Variants in ANKRD28 observed in about 807,000 individuals in gnomAD.
ANKRD28 encodes the protein serine/threonine-protein phosphatase 6 regulatory ankyrin repeat subunit A.
In ANKRD28, 44 loss-of-function variants were observed where a neutral mutation model predicts 126.5. The observed-to-expected ratio is 0.35, with a 90% CI of 0.27 to 0.45. The LOEUF (loss-of-function observed/expected upper bound fraction) is 0.45. ANKRD28 is among the 20% of genes least tolerant of loss of function. The pLI, the probability that ANKRD28 is intolerant of heterozygous loss-of-function variation, is 1.00. For synonymous variants in ANKRD28, 442 were observed against 468.5 expected (o/e 0.94, Z 0.73); for missense variants, 1,110 against 1,316.6 (o/e 0.84, Z 2.43).
At chr3:15,799,486 T>C (rs923940705), upstream of ANKRD28, among the ~76,000 whole-genome samples, 4 of 152,046 alleles carry the variant, frequency 2.6e-5, no homozygotes, top group African/African-American at 9.7e-5. Flanking sequence ...TTTTAAAATA[T>C]ATAAAATACT....
chr3:15,686,106 G>T lies in ANKRD28; in HGVS notation c.2065C>A (p.Leu689Ile). 2 of 1,613,008 alleles carry T rather than the reference G, an allele frequency of 1.2e-6. No homozygotes were observed. The highest frequency in any genetic ancestry group is 1.7e-6 in the Non-Finnish European group (2 of 1,179,474). The change falls in exon 20 of 28, where the codon CTA becomes ATA. Residue 689 changes from leucine (L) to isoleucine (I), a missense_variant. Leu to Ile is a conservative substitution (Grantham distance 5). Coordinates refer to ENST00000683139, the MANE Select transcript of ANKRD28 (RefSeq NM_001349278.2). ...QDGNGQTPLMLSVLNGHTDCV... is the reference protein window; with the variant it reads ...QDGNGQTPLMISVLNGHTDCV... ...TCTGTGTGCCCGTTGAGAACAGATAGCATCAGAGGCGTCCTGAGCAACAAC... is the reference window on the plus strand; with the variant it reads ...TCTGTGTGCCCGTTGAGAACAGATATCATCAGAGGCGTCCTGAGCAACAAC...
intron 18 of ANKRD28, among the ~76,000 whole-genome samples, chr3:15,688,200 A>C (rs913023767): frequency 1.3e-5 from 2 of 152,246 alleles, no homozygotes; most frequent in Non-Finnish European, 2.9e-5. Context: ...TTAGTTCTGC[A>C]TATGATCTGC....
Position 15,735,799 on chromosome 3 carries a change from A to T in ANKRD28, c.553-302T>A, listed in dbSNP as rs188705879. On this transcript the variant is annotated intron_variant, in intron 5 of 27. Coordinates refer to ENST00000683139, the MANE Select transcript of ANKRD28 (RefSeq NM_001349278.2). The stretch of plus-strand genomic sequence containing the variant: ...GTCTAAGACTGAAATATTTAATAAG[A>T]GGTTTTGTTCCTATTCATAGTCCAA... 9.5e-4 allele frequency among the ~76,000 whole-genome samples: 145 copies of T among 152,328 alleles called. 1 individual carries two copies. Among genetic ancestry groups the T allele is most frequent in the Non-Finnish European group, 2.8e-4 (19 of 68,034 alleles).
chr3:15,807,878 G>C (rs1461011523), intron 1 of ANKRD28, among the ~76,000 whole-genome samples: 1 of 152,144 alleles, frequency 6.6e-6, no homozygotes, highest in Non-Finnish European at 1.5e-5. Context: ...ACTTTTATCT[G>C]GCATTTTTCA....
chr3:15,729,276 C>T (rs1428492824), intron 6 of ANKRD28, among the ~76,000 whole-genome samples: 2 of 152,172 alleles, frequency 1.3e-5, no homozygotes, highest in African/African-American at 2.4e-5. Context: ...ATCCTTCCCA[C>T]CTCTGTGTCT....
intron 17 of ANKRD28, among the ~76,000 whole-genome samples, chr3:15,692,626 A>C (rs906512039): frequency 6.6e-6 from 1 of 152,240 alleles, no homozygotes; most frequent in Non-Finnish European, 1.5e-5. Context: ...CTTAAGCCTC[A>C]GATCAGTATG....
intron 1 of ANKRD28, among the ~76,000 whole-genome samples, chr3:15,844,792 T>G (rs557700501): frequency 1.3e-4 from 20 of 152,316 alleles, no homozygotes; most frequent in African/African-American, 4.8e-4. Flanking sequence ...ATTAACTGAA[T>G]GGGAATTTGT....
At chr3:15,773,935 GAAGT>G (rs1482745052) in intron 2 of ANKRD28, among the ~76,000 whole-genome samples, 1 of 152,172 alleles carries the variant, frequency 6.6e-6, no homozygotes, top group African/African-American at 2.4e-5. Context: ...CTATAAAAGT[GAAGT>G]AATCAAGGGA....
At chr3:15,670,629 A>AAAGTTG in intron 27 of ANKRD28, 73 bp from the exon 28 acceptor site, 2 of 1,416,766 alleles carry the variant, frequency 1.4e-6, no homozygotes, top group Non-Finnish European at 1.9e-6. Flanking sequence ...AAATAAGCCT[A>AAAGTTG]AAGTACTTCA....
intron 2 of ANKRD28, among the ~76,000 whole-genome samples, chr3:15,771,125 C>A (rs1197199669): frequency 2.0e-5 from 3 of 152,082 alleles, no homozygotes; most frequent in Non-Finnish European, 4.4e-5. Flanking sequence ...AAGCATGGCA[C>A]CAGGCAGGGC....
intron 27 of ANKRD28, among the ~76,000 whole-genome samples, chr3:15,671,984 A>G (rs563800507): frequency 5.3e-5 from 8 of 152,262 alleles, no homozygotes; most frequent in African/African-American, 1.9e-4. Context: ...AAATTTATCA[A>G]TGTTGTATGT....
At chr3:15,708,825 C>T (rs2071827901) in intron 13 of ANKRD28, among the ~76,000 whole-genome samples, 1 of 152,050 alleles carries the variant, frequency 6.6e-6, no homozygotes, top group Non-Finnish European at 1.5e-5. Flanking sequence ...ATTCTTTTTA[C>T]TTCTCTTCTG....
At chr3:15,697,590 AG>A (rs750376599) in intron 14 of ANKRD28, among the ~76,000 whole-genome samples, 3 of 152,172 alleles carry the variant, frequency 2.0e-5, no homozygotes, top group Admixed American at 6.5e-5. Flanking sequence ...CTTGCATCCC[AG>A]GGATGAAGCC....
At position 15,850,204 on chromosome 3, in the gene ANKRD28, A is replaced by AAATATATATATATATATAT. The variant is rs1486394619; in HGVS notation, c.27+9172_27+9173insATATATATATATATATATT. On this transcript the variant is annotated intron_variant, in intron 1 of 27. Coordinates refer to the ANKRD28 transcript ENST00000399451. ...TCTACATGCAATAAAAAAAAAAAAA[A>AAATATATATATATATATAT]ATATATATATATATATATATAGAGA... Among the ~76,000 whole-genome samples, 36 of 54,814 alleles carry AAATATATATATATATATAT rather than the reference A, an allele frequency of 6.6e-4. 1 individual carries two copies. The highest frequency in any genetic ancestry group is 1.2e-3 in the Non-Finnish European group (31 of 25,964). The allele number at this position is 54,814 out of a possible 152,430, so 36.0% of individuals were successfully genotyped here.
At chr3:15,851,575 ATAAATAAATAAATAAAAG>A (rs975117355) in intron 1 of ANKRD28, among the ~76,000 whole-genome samples, 1 of 151,230 alleles carries the variant, frequency 6.6e-6, no homozygotes, top group African/African-American at 2.4e-5. Flanking sequence ...AAATAAATAA[ATAAATAAATAAATAAAAG>A]AGATACAACT....
chr3:15,858,944 GGA>G (rs1005035478), intron 1 of ANKRD28, among the ~76,000 whole-genome samples: 1 of 152,188 alleles, frequency 6.6e-6, no homozygotes, highest in African/African-American at 2.4e-5. Context: ...CCTTTAACCC[GGA>G]GAGAGAGTCC....
chr3:15,713,544 A>G lies in ANKRD28; in HGVS notation c.1173T>C (p.Ser391=), dbSNP rs748298241. The part of the protein sequence containing the change: ...HELLINTLIT[S]GADTAKRGIH... Reference sequence around the variant, plus strand: ...GTACTTACTTTGCAGTGTCAGCACCACTTGTAATAAGAGTGTTGATCAGCA... The same window carrying G: ...GTACTTACTTTGCAGTGTCAGCACCGCTTGTAATAAGAGTGTTGATCAGCA... The change falls in exon 10 of 28, where the codon AGT becomes AGC. Residue 391 remains serine, a synonymous_variant. Coordinates refer to ENST00000683139, the MANE Select transcript of ANKRD28 (RefSeq NM_001349278.2). 4.3e-6 allele frequency: 7 copies of G among 1,611,132 alleles called. No individual in the cohort carries two copies. Among genetic ancestry groups the G allele is most frequent in the Non-Finnish European group, 5.9e-6 (7 of 1,178,994 alleles).
intron 3 of ANKRD28, among the ~76,000 whole-genome samples, chr3:15,752,837 T>C (rs1287065644): frequency 6.6e-6 from 1 of 152,220 alleles, no homozygotes; most frequent in African/African-American, 2.4e-5. Context: ...TCAAGTGCAG[T>C]GACTTCAAGT....
chr3:15,681,932 T>C (rs1370034511), intron 21 of ANKRD28, among the ~76,000 whole-genome samples: 1 of 152,146 alleles, frequency 6.6e-6, no homozygotes, highest in East Asian at 1.9e-4. Context: ...AGTGCTGAGG[T>C]TGAGAAACTC....
Sources: gnomAD v4.1 joint callset for allele counts (sites outside exome capture counted in the v4.1 genomes callset) on GRCh38, gnomAD v4.1.1 for gene constraint, MANE v1.5 for transcripts, NCBI Gene and HGNC (gene_info 2026-07-23, HGNC 2026-07-21) for gene names.